The following HDAC4 variants were observed in gnomAD, a reference collection of about 807,000 sequenced individuals.
The protein encoded by HDAC4 is histone deacetylase 4.
In HDAC4, 16 loss-of-function variants were observed where a neutral mutation model predicts 135.1. The observed-to-expected ratio is 0.12, with a 90% CI of 0.08 to 0.18. The LOEUF (loss-of-function observed/expected upper bound fraction) is 0.18. Ranked by LOEUF, HDAC4 falls within the 10% of genes least tolerant of loss-of-function variation. The probability of loss-of-function intolerance (pLI) is 1.00; values close to 1 mark genes in which losing one functional copy is unlikely to be tolerated. For synonymous variants in HDAC4, 685 were observed against 653.4 expected, an observed-to-expected ratio of 1.05 and a Z score of -0.74; for missense variants, 1,143 against 1,511.8, an observed-to-expected ratio of 0.76 and a Z score of 4.05.
chr2:239,203,695 T>C (rs1317992756), intron 3 of HDAC4, among the ~76,000 whole-genome samples: 3 of 152,088 alleles, frequency 2.0e-5, no homozygotes, highest in African/African-American at 7.2e-5. Flanking sequence ...CATAGTCCAG[T>C]AGGGAAAGAC....
intron 2 of HDAC4, among the ~76,000 whole-genome samples, chr2:239,297,335 T>G (rs2051967254): frequency 6.6e-6 from 1 of 152,232 alleles, no homozygotes; most frequent in Non-Finnish European, 1.5e-5. Flanking sequence ...AAGGGTCCCA[T>G]GCTGTCCCAG....
At chr2:239,367,158 G>T (rs1241264011) in intron 1 of HDAC4, among the ~76,000 whole-genome samples, 1 of 152,202 alleles carries the variant, frequency 6.6e-6, no homozygotes, top group Non-Finnish European at 1.5e-5. Context: ...GGGTCCCCGA[G>T]ACCTTTACAA....
At chr2:239,297,790 A>C (rs567262859) in intron 2 of HDAC4, among the ~76,000 whole-genome samples, 7 of 152,374 alleles carry the variant, frequency 4.6e-5, no homozygotes, top group African/African-American at 1.7e-4. Flanking sequence ...ATGCAAAAAG[A>C]AAATCTTAGA....
intron 4 of HDAC4, among the ~76,000 whole-genome samples, chr2:239,179,887 C>T (rs1032752065): frequency 5.3e-5 from 8 of 152,374 alleles, no homozygotes; most frequent in East Asian, 1.9e-4. Context: ...GCTGCCCGCA[C>T]GGAGGAACCT....
intron 3 of HDAC4, among the ~76,000 whole-genome samples, chr2:239,190,775 T>C (rs1311072964): frequency 6.6e-6 from 1 of 152,260 alleles, no homozygotes; most frequent in Non-Finnish European, 1.5e-5. Context: ...TAATGTGCTA[T>C]TGAGAAAAGG....
intron 4 of HDAC4, among the ~76,000 whole-genome samples, chr2:239,185,846 C>T (rs1055771797): frequency 2.0e-5 from 3 of 152,116 alleles, no homozygotes. Flanking sequence ...GCCTGGCCAA[C>T]ATGGGAAAAA....
intron 2 of HDAC4, among the ~76,000 whole-genome samples, chr2:239,348,830 GA>G (rs375749936): frequency 1.1e-3 from 163 of 152,344 alleles, no homozygotes; most frequent in African/African-American, 3.8e-3. Flanking sequence ...TCGTTCTTTA[GA>G]GCAATAAAAT....
At chr2:239,367,529 T>C (rs1337442580) in intron 1 of HDAC4, among the ~76,000 whole-genome samples, 1 of 152,054 alleles carries the variant, frequency 6.6e-6, no homozygotes. Flanking sequence ...ACCAAAATGC[T>C]CCAAAATCTG....
At chr2:239,227,795 G>A (rs748574206) in intron 3 of HDAC4, among the ~76,000 whole-genome samples, 75 of 152,338 alleles carry the variant, frequency 4.9e-4, no homozygotes, top group Non-Finnish European at 9.8e-4. Context: ...AAATGTGACT[G>A]ACTCAGCAGC....
At chr2:239,120,402 G>GACACACACACAC (rs912163549) in intron 12 of HDAC4, among the ~76,000 whole-genome samples, 3 of 68,270 alleles carry the variant, frequency 4.4e-5, no homozygotes, top group South Asian at 8.0e-4. Context: ...GACGCACACA[G>GACACACACACAC]ACACACACAC....
intron 2 of HDAC4, among the ~76,000 whole-genome samples, chr2:239,343,694 C>A (rs770736687): frequency 1.3e-5 from 2 of 152,112 alleles, no homozygotes; most frequent in Non-Finnish European, 2.9e-5. Flanking sequence ...GCCTGCCCTG[C>A]CTGCCCTGGC....
chr2:239,094,177 G>C lies in HDAC4; in HGVS notation c.2280+833C>G, dbSNP rs1235922020. ...TCTGTGGTGATTCGCGGCACTGCAG[G>C]ACCATGATGGCCCGGATCTGCTCGG... On this transcript the variant is annotated intron_variant, in intron 17 of 26. Coordinates refer to ENST00000543185, the MANE Select transcript of HDAC4 (RefSeq NM_001378414.1). 3 of 985,318 alleles carry C rather than the reference G, an allele frequency of 3.0e-6. No individual in the cohort carries two copies. In the African/African-American group the frequency reaches 5.2e-5, roughly 17 times the overall value. 61.0% of individuals were successfully genotyped at this position (985,318 alleles called of 1,614,324 possible).
At chr2:239,233,213 A>G (rs1352952905) in intron 3 of HDAC4, among the ~76,000 whole-genome samples, 2 of 152,274 alleles carry the variant, frequency 1.3e-5, no homozygotes, top group Admixed American at 6.5e-5. Flanking sequence ...AAGTCTACAG[A>G]TAAAAAGTTA....
At chr2:239,104,064 G>A (rs1052818134) in intron 15 of HDAC4, among the ~76,000 whole-genome samples, 6 of 150,948 alleles carry the variant, frequency 4.0e-5, no homozygotes, top group Middle Eastern at 6.8e-3. Context: ...CACGGCTTCC[G>A]GTGGTAAAAA....
chr2:239,120,482 G>A (rs1004353628), intron 12 of HDAC4, among the ~76,000 whole-genome samples: 1 of 151,506 alleles, frequency 6.6e-6, no homozygotes, highest in African/African-American at 2.4e-5. Flanking sequence ...CAGATACACA[G>A]ATACACAAAT....
At position 239,216,046 on chromosome 2, in the gene HDAC4, A is replaced by G. The variant is rs1001875888; in HGVS notation, c.94+20547T>C. ...CCCTAATTTGTTTAAAAAATCAAAC[A>G]TATATACTCTTCAGCATATATATGT... is the stretch of plus-strand genomic sequence containing the variant. On this transcript the variant is annotated intron_variant, in intron 3 of 26. Coordinates refer to ENST00000543185, the MANE Select transcript of HDAC4 (RefSeq NM_001378414.1). Among the ~76,000 whole-genome samples, 9 of 152,360 alleles carry G rather than the reference A, an allele frequency of 5.9e-5. No individual in the cohort carries two copies. The South Asian group carries it at 1.2e-3, about 21-fold the overall frequency.
chr2:239,261,846 C>A (rs901251220), intron 2 of HDAC4, among the ~76,000 whole-genome samples: 1 of 152,200 alleles, frequency 6.6e-6, no homozygotes, highest in Non-Finnish European at 1.5e-5. Context: ...CCGGCAGGGA[C>A]ACCCCCCACC....
intron 2 of HDAC4, among the ~76,000 whole-genome samples, chr2:239,270,385 G>A (rs148241583): frequency 1.1e-3 from 170 of 152,322 alleles, no homozygotes; most frequent in African/African-American, 3.9e-3. Context: ...AGGAGAAAGA[G>A]CAGAGCTGGC....
At chr2:239,144,068 TG>T (rs1332804362) in intron 8 of HDAC4, among the ~76,000 whole-genome samples, 1 of 152,044 alleles carries the variant, frequency 6.6e-6, no homozygotes, top group Non-Finnish European at 1.5e-5. Context: ...CACCACTAGA[TG>T]GGGCCAACCG....
Sources: gnomAD v4.1 joint callset for allele counts (sites outside exome capture counted in the v4.1 genomes callset) on GRCh38, gnomAD v4.1.1 for gene constraint, MANE v1.5 for transcripts, NCBI Gene and HGNC (gene_info 2026-07-23, HGNC 2026-07-21) for gene names.